TEX11: variants seen among roughly 807,000 people sequenced by gnomAD.
The protein encoded by TEX11 is testis-expressed protein 11.
In TEX11, 7 loss-of-function variants were observed where a neutral mutation model predicts 84.4. The observed-to-expected ratio is 0.08, with a 90% CI of 0.05 to 0.16. The LOEUF (loss-of-function observed/expected upper bound fraction) is 0.16. TEX11 is among the 10% of genes least tolerant of loss of function. The pLI is 1.00. For synonymous variants in TEX11, 264 were observed against 222.8 expected (o/e 1.18, Z -1.64); for missense variants, 551 against 660.5 (o/e 0.83, Z 1.82).
intron 9 of TEX11, among the ~76,000 whole-genome samples, chrX:70,767,683 T>C (rs895311832): frequency 5.4e-5 from 6 of 111,939 alleles, no homozygotes; most frequent in African/African-American, 1.9e-4. Context: ...CCTATGTTTG[T>C]TGCAGCACTG....
At position 70,762,096 on chromosome X, in the gene TEX11, C is replaced by T. The variant is rs180867020; in HGVS notation, c.693-17877G>A. ...AACATGAAGGAGAAATGAAAACTTT[C>T]CCAGACAAACAAAAGCTGAGGAATT... On this transcript the variant is annotated intron_variant, in intron 9 of 29. Transcript: ENST00000374333. 9.6e-3 allele frequency among the ~76,000 whole-genome samples: 1,077 copies of T among 111,623 alleles called. 8 individuals carry two copies. The highest frequency in any genetic ancestry group is 0.015 in the Non-Finnish European group (796 of 53,151).
intron 24 of TEX11, among the ~76,000 whole-genome samples, chrX:70,603,889 G>A (rs937856489): frequency 1.1e-3 from 14 of 12,732 alleles, no homozygotes; most frequent in Non-Finnish European, 2.1e-3. Context: ...AAAAGTGGGC[G>A]AAGGACATGA....
At chrX:70,582,393 G>T in intron 25 of TEX11, among the ~76,000 whole-genome samples, 1 of 111,752 alleles carries the variant, frequency 8.9e-6, no homozygotes, top group Non-Finnish European at 1.9e-5. Flanking sequence ...TTTTTGCCCT[G>T]GTTTAAACCT....
intron 25 of TEX11, among the ~76,000 whole-genome samples, chrX:70,590,162 C>T (rs1294867314): frequency 2.7e-5 from 3 of 112,192 alleles, no homozygotes; most frequent in Admixed American, 1.9e-4. Context: ...CAGAGTTTTA[C>T]TCCCATTAAA....
intron 16 of TEX11, among the ~76,000 whole-genome samples, chrX:70,656,156 G>A (rs996300492): frequency 1.8e-5 from 2 of 109,060 alleles, no homozygotes; most frequent in Non-Finnish European, 1.9e-5. Flanking sequence ...GGGCATGGCT[G>A]ATCATGCCTG....
At chrX:70,615,456 C>T (rs928769093) in intron 20 of TEX11, among the ~76,000 whole-genome samples, 1 of 110,758 alleles carries the variant, frequency 9.0e-6, no homozygotes, top group Non-Finnish European at 1.9e-5. Context: ...CTAGTTAGCT[C>T]AAAGACACAC....
At chrX:70,755,173 C>T (rs1396646159) in intron 9 of TEX11, among the ~76,000 whole-genome samples, 3 of 112,355 alleles carry the variant, frequency 2.7e-5, no homozygotes, top group Non-Finnish European at 5.6e-5. Flanking sequence ...TGTGACCTTT[C>T]AGACAGGGAA....
chrX:70,890,584 A>G (rs1343145344), intron 2 of TEX11, among the ~76,000 whole-genome samples: 1 of 112,823 alleles, frequency 8.9e-6, no homozygotes, highest in Non-Finnish European at 1.9e-5. Context: ...TCCCACGACA[A>G]CAAAGCCTTG....
chrX:70,877,336 C>CA (rs1382818833), intron 3 of TEX11, among the ~76,000 whole-genome samples: 1 of 110,166 alleles, frequency 9.1e-6, no homozygotes, highest in Non-Finnish European at 1.9e-5. Flanking sequence ...GATACCACCT[C>CA]ACAGTCACTA....
intron 7 of TEX11, among the ~76,000 whole-genome samples, chrX:70,841,411 A>G (rs2091443138): frequency 9.0e-6 from 1 of 111,397 alleles, no homozygotes; most frequent in South Asian, 3.8e-4. Context: ...AGGCAGAAAT[A>G]AAGATGTTCT....
chrX:70,906,595 T>G (rs944583310), intron 2 of TEX11, among the ~76,000 whole-genome samples: 24 of 110,471 alleles, frequency 2.2e-4, no homozygotes, highest in Admixed American at 2.9e-4. Context: ...CGAGACCAGC[T>G]TGACCGACAT....
intron 25 of TEX11, among the ~76,000 whole-genome samples, chrX:70,565,782 T>A (rs1359192962): frequency 2.7e-5 from 3 of 111,633 alleles, no homozygotes; most frequent in Non-Finnish European, 5.6e-5. Context: ...TTGGTACCAG[T>A]ACCATGCTGT....
intron 16 of TEX11, among the ~76,000 whole-genome samples, chrX:70,660,108 G>A (rs2089910989): frequency 2.7e-5 from 3 of 111,123 alleles, no homozygotes; most frequent in Non-Finnish European, 5.7e-5. Flanking sequence ...GTAAATATAG[G>A]GTATAAAACA....
At chrX:70,685,718 C>A (rs1412683486) in intron 13 of TEX11, among the ~76,000 whole-genome samples, 1 of 112,124 alleles carries the variant, frequency 8.9e-6, no homozygotes, top group Non-Finnish European at 1.9e-5. Flanking sequence ...TCCTATTTCT[C>A]CATAGCCTCG....
intron 9 of TEX11, among the ~76,000 whole-genome samples, chrX:70,786,998 G>A (rs2091083477): frequency 9.0e-6 from 1 of 110,880 alleles, no homozygotes; most frequent in Non-Finnish European, 1.9e-5. Flanking sequence ...GCCAGGCATG[G>A]TGGCTCATGC....
intron 7 of TEX11, among the ~76,000 whole-genome samples, chrX:70,841,901 G>A (rs1258239688): frequency 1.8e-5 from 2 of 111,547 alleles, no homozygotes. Flanking sequence ...TAAACTCCTC[G>A]ACACATACAC....
At chrX:70,722,290 T>G (rs2090565423) in intron 13 of TEX11, among the ~76,000 whole-genome samples, 1 of 111,872 alleles carries the variant, frequency 8.9e-6, no homozygotes, top group Non-Finnish European at 1.9e-5. Flanking sequence ...AAAATTATTT[T>G]TGAGAGAGTC....
At chrX:70,560,489 C>T (rs73538775) in intron 25 of TEX11, among the ~76,000 whole-genome samples, 5,460 of 110,570 alleles carry the variant, frequency 0.049, 291 homozygotes, top group African/African-American at 0.15. Flanking sequence ...GGTTATTTAT[C>T]TTTTCTTGTT....
intron 11 of TEX11, among the ~76,000 whole-genome samples, chrX:70,732,927 CAGCAT>C (rs1398241113): frequency 8.9e-6 from 1 of 112,057 alleles, no homozygotes; most frequent in Non-Finnish European, 1.9e-5. Context: ...GTAACCAAAA[CAGCAT>C]AGTACTGGTA....
Sources: allele counts gnomAD v4.1 joint callset (sites outside exome capture counted in the v4.1 genomes callset), GRCh38; gene constraint gnomAD v4.1.1; transcripts MANE v1.5; gene names NCBI Gene and HGNC (gene_info 2026-07-23, HGNC 2026-07-21).